The following TDRD9 variants were observed in gnomAD, a reference collection of about 807,000 sequenced individuals.
TDRD9 encodes the protein ATP-dependent RNA helicase TDRD9.
In TDRD9, 124 loss-of-function variants were observed where a neutral mutation model predicts 172.6. That is an observed-to-expected ratio of 0.72 (90% CI 0.62 to 0.83). The LOEUF is 0.83. Ranked by LOEUF, TDRD9 falls within the 40% of genes least tolerant of loss-of-function variation. The pLI is 0.00. For missense variants in TDRD9, 1,479 were observed against 1,714.1 expected, an observed-to-expected ratio of 0.86 and a Z score of 2.42; for synonymous variants, 619 against 617.1, an observed-to-expected ratio of 1.00 and a Z score of -0.05.
chr14:103,931,002 A>G (rs1235882195), intron 1 of TDRD9, among the ~76,000 whole-genome samples: 1 of 152,190 alleles, frequency 6.6e-6, no homozygotes, highest in Non-Finnish European at 1.5e-5. Context: ...TTAAAAAATT[A>G]TTAGATTCAA....
chr14:103,966,736 G>A lies in TDRD9; in HGVS notation c.670G>A (p.Asp224Asn), dbSNP rs752051282. The A allele has an allele frequency of 6.5e-7, 1 of 1,549,080 alleles. No individual in the cohort carries two copies. Among genetic ancestry groups the A allele is most frequent in the East Asian group, 2.4e-5 (1 of 40,852 alleles). ...AGGGCTAGAGAAAATAGCAACAGAG[G>A]ACACCAGGCTAATTTATATGACAAC... The part of the protein sequence containing the change: ...QVGLEKIATE[D>N]TRLIYMTTGV... The change falls in exon 5 of 36, where the codon GAC (aspartate) becomes AAC (asparagine). Residue 224 changes from aspartate to asparagine, a missense_variant. Physicochemically the swap from Asp to Asn is conservative, Grantham distance 23. Transcript: ENST00000409874.
intron 4 of TDRD9, among the ~76,000 whole-genome samples, chr14:103,966,445 C>T (rs984108070): frequency 3.3e-5 from 5 of 152,074 alleles, no homozygotes; most frequent in Non-Finnish European, 5.9e-5. Flanking sequence ...TTAATTATAT[C>T]TGTAATCTAG....
intron 1 of TDRD9, chr14:103,939,676 G>GTTTTTTTT (rs776078510): frequency 2.8e-5 from 1 of 36,324 alleles, no homozygotes; most frequent in Admixed American, 3.5e-4. Context: ...AAGTTAGGAG[G>GTTTTTTTT]GTTTTTTTTT....
In TDRD9 at chr14:104,026,839, A is replaced by G. The variant is rs1259147773; in HGVS notation, c.3182A>G (p.Asp1061Gly). The G allele has an allele frequency of 6.2e-7, 1 of 1,613,952 alleles. No individual in the cohort carries two copies. Among genetic ancestry groups the G allele is most frequent in the Non-Finnish European group, 8.5e-7 (1 of 1,179,862 alleles). Residue 1061 changes from aspartate (D) to glycine (G), a missense_variant, in exon 28 of 36, where the codon GAT becomes GGT. By Grantham distance (94) the Asp-to-Gly change is moderately conservative. This residue lies in a region of TDRD9 where 1,413 missense variants were observed against 1,649.1 expected (regional missense o/e 0.86). Coordinates refer to ENST00000409874, the MANE Select transcript of TDRD9 (RefSeq NM_153046.3). ...GTGGTGCACAGCGTCCTGCACGTGG[A>G]TGTGTACCAGTACTCAGGGGTCCAG... is the stretch of plus-strand genomic sequence containing the variant. ...FSVVHSVLHV[D>G]VYQYSGVQDA...
intron 26 of TDRD9, 98 bp from the exon 27 acceptor site, chr14:104,025,949 A>G (rs761506670): frequency 2.2e-5 from 22 of 1,005,840 alleles, no homozygotes; most frequent in Admixed American, 4.2e-5. Flanking sequence ...CAAGAATTCT[A>G]TAATTATAGG....
rs117103177 is a variant in TDRD9, at chr14:104,037,783, G to A, written c.3717-2413G>A. ...TCAGGGTGACTGAGCCTTGGTGCCA[G>A]CTTTCCTCTTCCCTTCATCGTGGAG... On this transcript the variant is annotated intron_variant, in intron 32 of 35. Transcript: ENST00000409874. Among the ~76,000 whole-genome samples the A allele has an allele frequency of 9.1e-3, 1,393 of 152,276 alleles. 10 individuals are homozygous for A. Among genetic ancestry groups the A allele is most frequent in the South Asian group, 0.036 (173 of 4,826 alleles).
chr14:104,011,325 C>T (rs1165940743), intron 20 of TDRD9, among the ~76,000 whole-genome samples: 1 of 152,058 alleles, frequency 6.6e-6, no homozygotes, highest in African/African-American at 2.4e-5. Context: ...TGAAATTGGC[C>T]TCTGGTTTAC....
chr14:103,995,727 C>CT (rs755986822), intron 11 of TDRD9, 23 bp from the exon 12 acceptor site: 1 of 1,574,744 alleles, frequency 6.4e-7, no homozygotes, highest in South Asian at 1.2e-5. Context: ...GGAATGTCAG[C>CT]TTTTTTCTTT....
intron 20 of TDRD9, among the ~76,000 whole-genome samples, chr14:104,010,279 C>T (rs183505953): frequency 2.0e-5 from 3 of 152,074 alleles, no homozygotes; most frequent in Middle Eastern, 3.4e-3. Context: ...TTTGTAGAGA[C>T]AGGGTGTCAC....
chr14:103,941,043 C>G, intron 1 of TDRD9: 4 of 1,535,350 alleles, frequency 2.6e-6, no homozygotes, highest in Non-Finnish European at 3.5e-6. Context: ...TCAGAACTTG[C>G]TTGAAGATGT....
At chr14:103,934,521 G>A (rs1049362474) in intron 1 of TDRD9, among the ~76,000 whole-genome samples, 1 of 151,752 alleles carries the variant, frequency 6.6e-6, no homozygotes, top group Non-Finnish European at 1.5e-5. Flanking sequence ...GCTCATGCCT[G>A]TAATCCCAGC....
intron 8 of TDRD9, among the ~76,000 whole-genome samples, chr14:103,986,680 A>G (rs2033671763): frequency 6.6e-6 from 1 of 152,276 alleles, no homozygotes; most frequent in East Asian, 1.9e-4. Flanking sequence ...ATTTGTTTTC[A>G]TTTACTATAA....
At chr14:103,947,185 G>T (rs947633061) in intron 1 of TDRD9, among the ~76,000 whole-genome samples, 12 of 152,092 alleles carry the variant, frequency 7.9e-5, no homozygotes, top group African/African-American at 2.7e-4. Flanking sequence ...GCATAAAGAC[G>T]CATAGACCAA....
chr14:103,995,649 C>A, intron 11 of TDRD9, 101 bp from the exon 12 acceptor site: 2 of 1,043,624 alleles, frequency 1.9e-6, no homozygotes, highest in Non-Finnish European at 2.7e-6. Flanking sequence ...TCAGTATTTA[C>A]ATTCAGAAGC....
chr14:104,041,803 A>T (rs2035618507), intron 33 of TDRD9, among the ~76,000 whole-genome samples: 1 of 152,242 alleles, frequency 6.6e-6, no homozygotes, highest in African/African-American at 2.4e-5. Flanking sequence ...GCCTGCATCT[A>T]CCATATGACC....
At chr14:104,049,826 T>C (rs1299998872) in intron 35 of TDRD9, 146 bp downstream of exon 35, 7 of 643,296 alleles carry the variant, frequency 1.1e-5, no homozygotes, top group Non-Finnish European at 1.1e-5. Context: ...GGGGGCCAGC[T>C]GGCAAATGTC....
chr14:104,020,237 C>T (rs985671345), intron 23 of TDRD9, among the ~76,000 whole-genome samples: 4 of 152,064 alleles, frequency 2.6e-5, no homozygotes, highest in Admixed American at 6.6e-5. Flanking sequence ...CAGGGATAAG[C>T]GGAAGGTCAA....
intron 6 of TDRD9, 127 bp downstream of exon 6, chr14:103,970,748 G>A (rs1195542605): frequency 3.2e-5 from 22 of 691,776 alleles, no homozygotes; most frequent in South Asian, 2.5e-4. Context: ...TAAAATCTGA[G>A]GATCCTCAAG....
At chr14:104,011,858 T>G (rs968440041) in intron 20 of TDRD9, among the ~76,000 whole-genome samples, 1 of 152,148 alleles carries the variant, frequency 6.6e-6, no homozygotes, top group Admixed American at 6.6e-5. Flanking sequence ...AAAGCTGTTA[T>G]GCTTATGCTT....
Sources: gnomAD v4.1 joint callset for allele counts (sites outside exome capture counted in the v4.1 genomes callset) on GRCh38, gnomAD v4.1.1 for gene constraint, gnomAD v4.1.1 regional missense constraint, MANE v1.5 for transcripts, NCBI Gene and HGNC (gene_info 2026-07-23, HGNC 2026-07-21) for gene names.